MMP16: variants seen among roughly 807,000 people sequenced by gnomAD.
MMP16 encodes matrix metalloproteinase-16.
Under a neutral mutation model 67.8 loss-of-function variants are expected in MMP16, and 12 were observed. That is an observed-to-expected ratio of 0.18 (90% CI 0.11 to 0.29). The LOEUF (loss-of-function observed/expected upper bound fraction) is 0.29, where lower values mean the gene tolerates loss of function less well. Among genes scored for constraint, MMP16 ranks in the 10% least tolerant of loss-of-function variants. MMP16 has a pLI of 1.00. For missense variants in MMP16, 475 were observed against 765.7 expected, an observed-to-expected ratio of 0.62 and a Z score of 4.48; for synonymous variants, 249 against 255.9, an observed-to-expected ratio of 0.97 and a Z score of 0.26.
At chr8:88,189,365 T>C (rs1017471065) in intron 2 of MMP16, among the ~76,000 whole-genome samples, 1 of 152,136 alleles carries the variant, frequency 6.6e-6, no homozygotes, top group Non-Finnish European at 1.5e-5. Flanking sequence ...TGCACCAATT[T>C]ATCTGATGCC....
intron 1 of MMP16, among the ~76,000 whole-genome samples, chr8:88,238,465 C>A (rs112939745): frequency 6.6e-6 from 1 of 151,666 alleles, no homozygotes; most frequent in African/African-American, 2.4e-5. Context: ...TGAGACCAAC[C>A]CGGCCAACAT....
rs1240002113 is a variant in MMP16 at position 88,088,105 on chromosome 8, A to ATATAT, written c.1084-13363_1084-13362insATATA. Among the ~76,000 whole-genome samples, 224 of 148,906 alleles carry ATATAT rather than the reference A, an allele frequency of 1.5e-3. 1 individual carries two copies. The highest frequency in any genetic ancestry group is 2.9e-3 in the Non-Finnish European group (194 of 67,420). The stretch of plus-strand genomic sequence containing the variant: ...ATCTATATATAATAGATATCTGCTG[A>ATATAT]CTGTAAGTACAGAAGACGTCTGACT... On this transcript the variant is annotated intron_variant, in intron 6 of 9. Coordinates refer to ENST00000286614, the MANE Select transcript of MMP16 (RefSeq NM_005941.5).
At position 88,041,349 on chromosome 8, in the gene MMP16, A is replaced by T; in HGVS notation, c.*112T>A. The T allele has an allele frequency of 9.0e-7, 1 of 1,115,416 alleles. No homozygotes were observed. The highest frequency in any genetic ancestry group is 1.3e-6 in the Non-Finnish European group (1 of 768,616). The allele number at this position is 1,115,416 out of a possible 1,614,324, so 69.1% of individuals were successfully genotyped here. On this transcript the variant is annotated 3_prime_UTR_variant, in exon 10 of 10. Coordinates refer to ENST00000286614, the MANE Select transcript of MMP16 (RefSeq NM_005941.5). The surrounding 1 kb of genome is among the most constrained non-coding windows in gnomAD (Gnocchi z 6.0). ...TCTGGGTTTGAAAGGTCAGCCCCGA[A>T]TCAGGCTGCCACAAGCCTGCTCCTA... is the stretch of plus-strand genomic sequence containing the variant.
At chr8:88,250,063 C>T (rs1008316412) in intron 1 of MMP16, among the ~76,000 whole-genome samples, 2 of 152,060 alleles carry the variant, frequency 1.3e-5, no homozygotes, top group Non-Finnish European at 2.9e-5. Flanking sequence ...GCAGCTGCTT[C>T]TAATCTTTCC....
Position 88,036,201 on chromosome 8 carries a change from T to C in MMP16, c.*5260A>G, listed in dbSNP as rs1586115106. ...GCAATGCATGAGTATCAGATGTGTT[T>C]AAGCACAGTAACATCTAATGACCAC... On this transcript the variant is annotated 3_prime_UTR_variant, in exon 10 of 10. Transcript: ENST00000286614. The C allele has an allele frequency of 6.6e-6, 1 of 151,976 alleles. No homozygotes were observed. The highest frequency in any genetic ancestry group is 2.4e-5 in the African/African-American group (1 of 41,430). 9.4% of individuals were successfully genotyped at this position (151,976 alleles called of 1,614,324 possible).
At chr8:88,239,353 TA>T (rs1441369966) in intron 1 of MMP16, among the ~76,000 whole-genome samples, 8 of 151,768 alleles carry the variant, frequency 5.3e-5, no homozygotes, top group Admixed American at 3.9e-4. Context: ...TTTTCACTTT[TA>T]AAAAACAGGT....
intron 4 of MMP16, among the ~76,000 whole-genome samples, chr8:88,162,524 T>C (rs1808645257): frequency 6.6e-6 from 1 of 152,108 alleles, no homozygotes; most frequent in South Asian, 2.1e-4. Context: ...TGACTGTCCA[T>C]ATCAAGTCCT....
chr8:88,247,114 A>G (rs548122478), intron 1 of MMP16, among the ~76,000 whole-genome samples: 1 of 152,164 alleles, frequency 6.6e-6, no homozygotes, highest in Non-Finnish European at 1.5e-5. Flanking sequence ...CCGCAGAGCC[A>G]TAATGAGGTC....
intron 7 of MMP16, among the ~76,000 whole-genome samples, chr8:88,067,092 GT>G (rs1170855251): frequency 6.6e-6 from 1 of 151,970 alleles, no homozygotes; most frequent in Non-Finnish European, 1.5e-5. Flanking sequence ...AAGTGGATGA[GT>G]TATTTACTAA....
At position 88,162,207 on chromosome 8, in the gene MMP16, G is replaced by A. The variant is rs12114785; in HGVS notation, c.709+5462C>T. Among the ~76,000 whole-genome samples the A allele has an allele frequency of 8.2e-3, 1,245 of 151,974 alleles. 13 individuals are homozygous for A. The highest frequency in any genetic ancestry group is 0.028 in the African/African-American group (1,179 of 41,484). ...AAATTAATAACCAAGTAGAGACTGC[G>A]CAGTAATCATGTAAGGCTATGTAAC... On this transcript the variant is annotated intron_variant, in intron 4 of 9. Coordinates refer to ENST00000286614, the MANE Select transcript of MMP16 (RefSeq NM_005941.5).
intron 4 of MMP16, among the ~76,000 whole-genome samples, chr8:88,139,317 C>G (rs1379795165): frequency 1.3e-5 from 2 of 152,030 alleles, no homozygotes; most frequent in African/African-American, 2.4e-5. Context: ...TCTTCTCAAA[C>G]AATTTATGAT....
intron 4 of MMP16, among the ~76,000 whole-genome samples, chr8:88,129,322 A>G (rs1807988654): frequency 6.6e-6 from 1 of 151,756 alleles, no homozygotes; most frequent in South Asian, 2.1e-4. Context: ...TAGAGACCTG[A>G]TGGCCTAGGT....
chr8:88,297,054 T>C (rs892525513), intron 1 of MMP16, among the ~76,000 whole-genome samples: 7 of 152,152 alleles, frequency 4.6e-5, no homozygotes, highest in African/African-American at 1.7e-4. Flanking sequence ...TATTCAAACA[T>C]GAACTTCCAT....
intron 3 of MMP16, among the ~76,000 whole-genome samples, chr8:88,173,553 T>C (rs1183295145): frequency 6.6e-6 from 1 of 152,184 alleles, no homozygotes; most frequent in African/African-American, 2.4e-5. Flanking sequence ...ACTAATGTTT[T>C]ATGTAAAATG....
chr8:88,178,881 G>C (rs762049875), intron 3 of MMP16, among the ~76,000 whole-genome samples: 2 of 151,932 alleles, frequency 1.3e-5, no homozygotes, highest in Non-Finnish European at 2.9e-5. Context: ...ACAATATATT[G>C]TATCTAATCT....
At position 88,037,349 on chromosome 8, in the gene MMP16, G is replaced by A. The variant is rs1274136760; in HGVS notation, c.*4112C>T. 1 of 151,550 alleles carries A rather than the reference G, an allele frequency of 6.6e-6. No homozygotes were observed. Among genetic ancestry groups the A allele is most frequent in the Non-Finnish European group, 1.5e-5 (1 of 67,798 alleles). 9.4% of individuals were successfully genotyped at this position (151,550 alleles called of 1,614,324 possible). On this transcript the variant is annotated 3_prime_UTR_variant, in exon 10 of 10. Coordinates refer to ENST00000286614, the MANE Select transcript of MMP16 (RefSeq NM_005941.5). ...AAAAGATTATAGGTAATTATTAAAG[G>A]TAACACTTGCTTATGTGTTAACAAA...
At chr8:88,192,619 A>G (rs1343732404) in intron 2 of MMP16, among the ~76,000 whole-genome samples, 1 of 152,204 alleles carries the variant, frequency 6.6e-6, no homozygotes, top group African/African-American at 2.4e-5. Context: ...TATCTTTTAT[A>G]TCCAAACTGA....
At chr8:88,080,891 C>T (rs547036791) in intron 6 of MMP16, among the ~76,000 whole-genome samples, 1 of 152,052 alleles carries the variant, frequency 6.6e-6, no homozygotes, top group African/African-American at 2.4e-5. Flanking sequence ...TAAGGAGGAA[C>T]GTGATTTATA....
At position 88,248,074 on chromosome 8, in the gene MMP16, C is replaced by A. The variant is rs554301120; in HGVS notation, c.133-50768G>T. On this transcript the variant is annotated intron_variant, in intron 1 of 9. Coordinates refer to ENST00000286614, the MANE Select transcript of MMP16 (RefSeq NM_005941.5). ...TTGAAATATCCCCTATATACATACA[C>A]CTCCCCAAAACTGAGACACAAAGCT... 2.6e-5 allele frequency among the ~76,000 whole-genome samples: 4 copies of A among 152,144 alleles called. No homozygotes were observed. The East Asian group carries it at 5.8e-4, about 22-fold the overall frequency.
Sources: gnomAD v4.1 joint callset for allele counts (sites outside exome capture counted in the v4.1 genomes callset) on GRCh38, gnomAD v4.1.1 for gene constraint, Gnocchi (gnomAD v3.1) non-coding constraint, MANE v1.5 for transcripts, NCBI Gene and HGNC (gene_info 2026-07-23, HGNC 2026-07-21) for gene names.